The following GLCCI1 variants were observed in gnomAD, a reference collection of about 807,000 sequenced individuals.
GLCCI1 encodes the protein glucocorticoid-induced transcript 1 protein.
Under a neutral mutation model 52.2 loss-of-function variants are expected in GLCCI1, and 24 were observed. That is an observed-to-expected ratio of 0.46 (90% CI 0.33 to 0.65). The LOEUF is 0.65. Ranked by LOEUF, GLCCI1 falls within the 30% of genes least tolerant of loss-of-function variation. The pLI is 0.02. For missense variants in GLCCI1, 704 were observed against 701.5 expected, an observed-to-expected ratio of 1.00 and a Z score of -0.04; for synonymous variants, 310 against 276.5, an observed-to-expected ratio of 1.12 and a Z score of -1.20.
chr7:7,992,097 T>G lies in GLCCI1; in HGVS notation c.458-11811T>G, dbSNP rs13226279. 1.6e-3 allele frequency among the ~76,000 whole-genome samples: 199 copies of G among 121,266 alleles called. 3 individuals are homozygous for G. Among genetic ancestry groups the G allele is most frequent in the East Asian group, 9.9e-3 (42 of 4,222 alleles). 79.6% of individuals were successfully genotyped at this position (121,266 alleles called of 152,430 possible). ...TTTCTTTCTTTCTTTCTTTCTTTCT[T>G]TCTGTCTGTTTCTCTCTCTCTCTCT... On this transcript the variant is annotated intron_variant, in intron 1 of 7. Transcript: ENST00000223145.
chr7:8,026,748 G>A (rs1310639875), intron 3 of GLCCI1, among the ~76,000 whole-genome samples: 3 of 152,244 alleles, frequency 2.0e-5, no homozygotes, highest in African/African-American at 7.2e-5. Flanking sequence ...CTTAGCCAGA[G>A]GAGAATCAAC....
chr7:8,004,977 G>C (rs947691562), intron 2 of GLCCI1, among the ~76,000 whole-genome samples: 19 of 152,216 alleles, frequency 1.2e-4, no homozygotes, highest in African/African-American at 4.3e-4. Context: ...GCTTGCAACT[G>C]TGAAATTGGC....
At chr7:8,061,169 G>A (rs1159664575) in intron 5 of GLCCI1, among the ~76,000 whole-genome samples, 2 of 149,822 alleles carry the variant, frequency 1.3e-5, no homozygotes, top group South Asian at 2.1e-4. Context: ...GCGTGATCTC[G>A]GCTCACTGCA....
chr7:8,068,884 G>A (rs962496018), intron 5 of GLCCI1, among the ~76,000 whole-genome samples: 1 of 152,228 alleles, frequency 6.6e-6, no homozygotes, highest in East Asian at 1.9e-4. Context: ...TAGTTTCACA[G>A]GAGGGTTTAT....
chr7:8,002,858 G>A (rs899241350), intron 1 of GLCCI1, among the ~76,000 whole-genome samples: 6 of 152,142 alleles, frequency 3.9e-5, no homozygotes, highest in African/African-American at 1.2e-4. Context: ...ATTTTTAACA[G>A]AGATTCTTGT....
In GLCCI1 at chr7:8,041,943, A is replaced by C. The variant is rs147895951; in HGVS notation, c.697-13490A>C. ...ATTTGCCATTCTGAAAATCCTGGGGATCTTAAAAATTATGCTATGTCTATT... is the reference window on the plus strand; with the variant it reads ...ATTTGCCATTCTGAAAATCCTGGGGCTCTTAAAAATTATGCTATGTCTATT... On this transcript the variant is annotated intron_variant, in intron 3 of 7. Coordinates refer to ENST00000223145, the MANE Select transcript of GLCCI1 (RefSeq NM_138426.4). Among the ~76,000 whole-genome samples the C allele has an allele frequency of 3.8e-3, 584 of 152,264 alleles. 2 individuals are homozygous for C. Among genetic ancestry groups the C allele is most frequent in the African/African-American group, 0.013 (541 of 41,546 alleles).
intron 3 of GLCCI1, among the ~76,000 whole-genome samples, chr7:8,051,580 T>C (rs1782259684): frequency 6.6e-6 from 1 of 152,252 alleles, no homozygotes; most frequent in African/African-American, 2.4e-5. Flanking sequence ...TGAAGGCTAC[T>C]ATGTTAAAAT....
At chr7:8,037,405 T>G (rs1362042856) in intron 3 of GLCCI1, among the ~76,000 whole-genome samples, 3 of 151,994 alleles carry the variant, frequency 2.0e-5, no homozygotes, top group Admixed American at 6.5e-5. Flanking sequence ...TTTCTAAACA[T>G]GGAAATGAAA....
At chr7:8,025,879 G>C (rs1781608881) in intron 3 of GLCCI1, among the ~76,000 whole-genome samples, 1 of 152,206 alleles carries the variant, frequency 6.6e-6, no homozygotes, top group Non-Finnish European at 1.5e-5. Context: ...GTCTTCCAAA[G>C]TGAAGGTGAA....
chr7:7,986,953 A>G (rs973048887), intron 1 of GLCCI1, among the ~76,000 whole-genome samples: 2 of 152,026 alleles, frequency 1.3e-5, no homozygotes, highest in Non-Finnish European at 2.9e-5. Flanking sequence ...CATTCTTTCC[A>G]TGTCCTAATT....
chr7:8,018,658 C>T lies in GLCCI1; in HGVS notation c.610-3825C>T, dbSNP rs539541541. 3.3e-5 allele frequency among the ~76,000 whole-genome samples: 5 copies of T among 152,150 alleles called. 1 individual carries two copies. In the East Asian group the frequency reaches 9.6e-4, roughly 29 times the overall value. On this transcript the variant is annotated intron_variant, in intron 2 of 7. Coordinates refer to ENST00000223145, the MANE Select transcript of GLCCI1 (RefSeq NM_138426.4). ...CAGGGAGTGAGAATAGAAAAGGACC[C>T]CTTCTACCTATAGGTATCCTTTTTA...
chr7:8,003,998 G>C lies in GLCCI1; in HGVS notation c.548G>C (p.Gly183Ala), dbSNP rs750829993. 1 of 1,613,790 alleles carries C rather than the reference G, an allele frequency of 6.2e-7. No homozygotes were observed. The highest frequency in any genetic ancestry group is 1.3e-5 in the African/African-American group (1 of 75,018). Residue 183 changes from glycine to alanine, a missense_variant, in exon 2 of 8, where the codon GGA becomes GCA. By Grantham distance (60) the Gly-to-Ala change is moderately conservative. Coordinates refer to ENST00000223145, the MANE Select transcript of GLCCI1 (RefSeq NM_138426.4). Reference sequence around the variant, plus strand: ...ACAATAACAGGACCTTACCTCACAGGACAGTGGCCACGGGATCCTCATGTT... The same window carrying C: ...ACAATAACAGGACCTTACCTCACAGCACAGTGGCCACGGGATCCTCATGTT... Reference protein sequence around the residue: ...LDTITGPYLTGQWPRDPHVHY... With the variant: ...LDTITGPYLTAQWPRDPHVHY...
chr7:8,064,111 G>T (rs926012161), intron 5 of GLCCI1, among the ~76,000 whole-genome samples: 1 of 152,046 alleles, frequency 6.6e-6, no homozygotes, highest in African/African-American at 2.4e-5. Context: ...GTTTAATTAG[G>T]TCCCATTTGT....
intron 5 of GLCCI1, among the ~76,000 whole-genome samples, chr7:8,063,034 T>C (rs989482050): frequency 6.6e-6 from 1 of 152,216 alleles, no homozygotes; most frequent in East Asian, 1.9e-4. Flanking sequence ...AGTTGAGAAA[T>C]CACCACAGTG....
intron 3 of GLCCI1, among the ~76,000 whole-genome samples, chr7:8,053,744 A>T (rs1002249193): frequency 1.3e-5 from 2 of 152,118 alleles, no homozygotes; most frequent in African/African-American, 4.8e-5. Context: ...CCAAGTATAT[A>T]ATATACATTT....
chr7:8,055,547 C>G lies in GLCCI1; in HGVS notation c.811C>G (p.Gln271Glu). ...HGNHITISHT[Q>E]ATGSRSVPMP... Reference sequence around the variant, plus strand: ...CAACCATATAACAATCAGTCACACTCAGGTAGGCTAACTTCTTGTCCAGAT... The same window carrying G: ...CAACCATATAACAATCAGTCACACTGAGGTAGGCTAACTTCTTGTCCAGAT... Residue 271 changes from glutamine to glutamate, a missense_variant and splice_region_variant, in exon 4 of 8, where the codon CAG becomes GAG. This residue lies in a region of GLCCI1 where 547 missense variants were observed against 524.8 expected (regional missense o/e 1.04). Transcript: ENST00000223145. The G allele has an allele frequency of 6.4e-7, 1 of 1,555,286 alleles. No homozygotes were observed. Among genetic ancestry groups the G allele is most frequent in the African/African-American group, 1.4e-5 (1 of 73,928 alleles).
At chr7:8,037,131 A>G (rs1781884393) in intron 3 of GLCCI1, among the ~76,000 whole-genome samples, 1 of 152,182 alleles carries the variant, frequency 6.6e-6, no homozygotes, top group Non-Finnish European at 1.5e-5. Flanking sequence ...GAATCCTAAA[A>G]TCAGCAAGAG....
At chr7:8,033,141 A>G (rs529738021) in intron 3 of GLCCI1, among the ~76,000 whole-genome samples, 1 of 152,174 alleles carries the variant, frequency 6.6e-6, no homozygotes, top group Non-Finnish European at 1.5e-5. Flanking sequence ...AATAGAATAA[A>G]GGACATAAAT....
intron 6 of GLCCI1, among the ~76,000 whole-genome samples, chr7:8,076,020 G>C (rs1338738365): frequency 1.3e-5 from 2 of 152,184 alleles, no homozygotes; most frequent in Non-Finnish European, 2.9e-5. Context: ...GTCTAGGGTT[G>C]ACCCTAGGCA....
Sources: allele counts gnomAD v4.1 joint callset (sites outside exome capture counted in the v4.1 genomes callset), GRCh38; gene constraint gnomAD v4.1.1; regional missense constraint gnomAD v4.1.1; transcripts MANE v1.5; gene names NCBI Gene and HGNC (gene_info 2026-07-23, HGNC 2026-07-21).